NTRK3: variants seen among roughly 807,000 people sequenced by gnomAD.
The protein encoded by NTRK3 is neurotrophic receptor tyrosine kinase 3.
In NTRK3, 24 loss-of-function variants were observed where a neutral mutation model predicts 91.7. The observed-to-expected ratio is 0.26, with a 90% confidence interval of 0.19 to 0.37. NTRK3 has a LOEUF of 0.37. NTRK3 is among the 10% of genes least tolerant of loss of function. The pLI, the probability that NTRK3 is intolerant of heterozygous loss-of-function variation, is 1.00. For synonymous variants in NTRK3, 483 were observed against 404.0 expected (o/e 1.20, Z -2.34); for missense variants, 880 against 1,068.9 (o/e 0.82, Z 2.46).
intron 3 of NTRK3, among the ~76,000 whole-genome samples, chr15:88,239,847 A>G (rs1465836582): frequency 6.6e-6 from 1 of 152,158 alleles, no homozygotes; most frequent in Non-Finnish European, 1.5e-5. Context: ...AAAGCCATCA[A>G]TATCAACAGT....
intron 3 of NTRK3, among the ~76,000 whole-genome samples, chr15:88,249,642 G>A (rs568701726): frequency 6.6e-6 from 1 of 152,266 alleles, no homozygotes; most frequent in East Asian, 1.9e-4. Flanking sequence ...CGGCGGAAAT[G>A]GGAAGAGCCT....
At position 88,233,210 on chromosome 15, in the gene NTRK3, G is replaced by A. The variant is rs142567924; in HGVS notation, c.248+22696C>T. Among the ~76,000 whole-genome samples the A allele has an allele frequency of 6.6e-6, 1 of 152,126 alleles. No homozygotes were observed. Among genetic ancestry groups the A allele is most frequent in the Non-Finnish European group, 1.5e-5 (1 of 68,036 alleles). ...GCAAAAAGAAAAAATTAAAACCGTA[G>A]AGCACATTGCCAATAAATAACCCCC... On this transcript the variant is annotated intron_variant, in intron 3 of 18. Transcript: ENST00000394480. This position sits in a 1 kb window ranked among gnomAD's most constrained non-coding sequence, Gnocchi z 4.2.
chr15:87,926,950 G>A (rs1357698870), intron 17 of NTRK3: 1 of 152,248 alleles, frequency 6.6e-6, no homozygotes, highest in African/African-American at 2.4e-5. Flanking sequence ...GCAATTAAAT[G>A]ATGCCAGCTC....
intron 13 of NTRK3, among the ~76,000 whole-genome samples, chr15:88,059,611 G>A (rs1357792182): frequency 6.6e-6 from 1 of 152,146 alleles, no homozygotes; most frequent in East Asian, 1.9e-4. Flanking sequence ...GGAACATGCT[G>A]CCGGGAAGTT....
intron 14 of NTRK3, among the ~76,000 whole-genome samples, chr15:87,969,464 A>G (rs1385891346): frequency 6.6e-6 from 1 of 152,226 alleles, no homozygotes. Flanking sequence ...TAGCTCAAGT[A>G]GAGCTCAACA....
chr15:88,008,930 C>T (rs1039794762), intron 14 of NTRK3, among the ~76,000 whole-genome samples: 1 of 152,176 alleles, frequency 6.6e-6, no homozygotes, highest in Non-Finnish European at 1.5e-5. Context: ...AGACCAGCCC[C>T]CCTCGGGCCT....
At chr15:88,082,472 C>G (rs746205414) in intron 13 of NTRK3, among the ~76,000 whole-genome samples, 1 of 152,164 alleles carries the variant, frequency 6.6e-6, no homozygotes, top group Non-Finnish European at 1.5e-5. Context: ...GATGAAAATG[C>G]AGAACGTTTC....
intron 13 of NTRK3, among the ~76,000 whole-genome samples, chr15:88,077,869 G>T (rs753139212): frequency 6.6e-6 from 1 of 152,154 alleles, no homozygotes; most frequent in Non-Finnish European, 1.5e-5. Flanking sequence ...AGAAACACTG[G>T]CACCAATAAC....
chr15:88,235,262 C>T lies in NTRK3; in HGVS notation c.248+20644G>A, dbSNP rs940570173. ...GTCTTGCACATCACAGAATCACCAACATGAATGAGTAAGGCCTGTGTCGCT... is the reference window on the plus strand; with the variant it reads ...GTCTTGCACATCACAGAATCACCAATATGAATGAGTAAGGCCTGTGTCGCT... On this transcript the variant is annotated intron_variant, in intron 3 of 18. Coordinates refer to ENST00000394480, the Ensembl canonical transcript of NTRK3. This position sits in a 1 kb window ranked among gnomAD's most constrained non-coding sequence, Gnocchi z 5.2. Among the ~76,000 whole-genome samples the T allele has an allele frequency of 6.6e-6, 1 of 152,230 alleles. No homozygotes were observed. The highest frequency in any genetic ancestry group is 1.5e-5 in the Non-Finnish European group (1 of 68,040).
At chr15:88,110,115 A>G (rs1322365568) in intron 13 of NTRK3, among the ~76,000 whole-genome samples, 1 of 152,176 alleles carries the variant, frequency 6.6e-6, no homozygotes, top group African/African-American at 2.4e-5. Context: ...CAGCCTGTAT[A>G]GCTCTAAATT....
chr15:87,926,120 G>A (rs2068287530), intron 17 of NTRK3, among the ~76,000 whole-genome samples: 1 of 152,330 alleles, frequency 6.6e-6, no homozygotes, highest in African/African-American at 2.4e-5. Context: ...ACATTAGGAT[G>A]TGAACACAGG....
chr15:88,139,218 C>G (rs909037839), intron 6 of NTRK3, among the ~76,000 whole-genome samples: 1 of 152,194 alleles, frequency 6.6e-6, no homozygotes, highest in African/African-American at 2.4e-5. Context: ...CAAGTCACCT[C>G]CCCTCTCAAT....
chr15:87,872,721 C>A (rs2064855063), exon 19 of NTRK3: 1 of 232,816 alleles, frequency 4.3e-6, no homozygotes, highest in Non-Finnish European at 8.5e-6. Flanking sequence ...ACCAGGCCTT[C>A]TTTCATTGTC....
At chr15:88,042,103 T>C (rs1567279039) in intron 13 of NTRK3, among the ~76,000 whole-genome samples, 2 of 152,238 alleles carry the variant, frequency 1.3e-5, no homozygotes, top group Non-Finnish European at 2.9e-5. Context: ...TTCCTACTGA[T>C]AGAAATCAAA....
At chr15:87,868,923 C>A in exon 19 of NTRK3, 1 of 226,608 alleles carries the variant, frequency 4.4e-6, no homozygotes, top group Non-Finnish European at 8.8e-6. Flanking sequence ...TCTGTCCGGC[C>A]TAGACGCAGT....
chr15:88,137,260 G>T, intron 7 of NTRK3, 144 bp downstream of exon 7: 1 of 878,742 alleles, frequency 1.1e-6, no homozygotes, highest in Non-Finnish European at 1.8e-6. Context: ...TGAGTCAGGA[G>T]GTCTGCACAC....
At chr15:88,060,512 G>C (rs879684202) in intron 13 of NTRK3, among the ~76,000 whole-genome samples, 4 of 152,078 alleles carry the variant, frequency 2.6e-5, no homozygotes, top group African/African-American at 4.8e-5. Flanking sequence ...ACAGTGAGGG[G>C]GCTAGCGTGA....
chr15:88,099,271 C>G (rs1430774029), intron 13 of NTRK3: 3 of 224,356 alleles, frequency 1.3e-5, no homozygotes, highest in Non-Finnish European at 2.7e-5. Context: ...TGGAGCACGA[C>G]TGACTTTGGA....
intron 3 of NTRK3, among the ~76,000 whole-genome samples, chr15:88,251,125 G>A (rs976646159): frequency 6.6e-6 from 1 of 152,216 alleles, no homozygotes; most frequent in African/African-American, 2.4e-5. Context: ...TCTAAATAGT[G>A]TCATGTGTCA....
Sources: allele counts gnomAD v4.1 joint callset (sites outside exome capture counted in the v4.1 genomes callset), GRCh38; gene constraint gnomAD v4.1.1; non-coding constraint Gnocchi (gnomAD v3.1); transcripts MANE v1.5; gene names NCBI Gene and HGNC (gene_info 2026-07-23, HGNC 2026-07-21).